The following CPEB2 variants were observed in gnomAD, a reference collection of about 807,000 sequenced individuals.
CPEB2 encodes the protein cytoplasmic polyadenylation element-binding protein 2.
A neutral mutation model predicts 93.6 loss-of-function variants in CPEB2; 56 were observed. The ratio of observed to expected loss-of-function variants is 0.60; its 90% CI spans 0.48 to 0.75. The LOEUF is 0.75. Ranked by LOEUF, CPEB2 falls within the 30% of genes least tolerant of loss-of-function variation. The pLI is 0.00. For synonymous variants in CPEB2, 764 were observed against 586.3 expected (o/e 1.30, Z -4.38); for missense variants, 1,579 against 1,395.1 (o/e 1.13, Z -2.10).
At chr4:15,042,518 A>G (rs1258630790) in intron 6 of CPEB2, among the ~76,000 whole-genome samples, 1 of 152,196 alleles carries the variant, frequency 6.6e-6, no homozygotes, top group Non-Finnish European at 1.5e-5. Context: ...GACAGAACTG[A>G]TGGTTGGCAT....
chr4:15,052,404 T>G lies in CPEB2; in HGVS notation c.2201-10T>G. On this transcript the variant is annotated splice_polypyrimidine_tract_variant and intron_variant, in intron 6 of 11. Transcript: ENST00000538197. Reference sequence around the variant, plus strand: ...TCTGAGATTCAAGTTGTATTTGTTCTTTATTCTAGGTCGTTCTTCCCTCTT... The same window carrying G: ...TCTGAGATTCAAGTTGTATTTGTTCGTTATTCTAGGTCGTTCTTCCCTCTT... 7.0e-7 allele frequency: 1 copy of G among 1,435,266 alleles called. No homozygotes were observed. Among genetic ancestry groups the G allele is most frequent in the Non-Finnish European group, 9.3e-7 (1 of 1,079,758 alleles). 88.9% of individuals were successfully genotyped at this position (1,435,266 alleles called of 1,614,324 possible). A position where few individuals can be genotyped will look rare whatever the true frequency, so the allele number is the denominator to read the frequency against.
Position 15,018,452 on chromosome 4 carries a change from A to T in CPEB2, c.2125+1174A>T, listed in dbSNP as rs190152534. 4.3e-4 allele frequency among the ~76,000 whole-genome samples: 65 copies of T among 150,254 alleles called. 1 individual carries two copies. Among genetic ancestry groups the T allele is most frequent in the Non-Finnish European group, 2.8e-4 (19 of 67,448 alleles). Reference sequence around the variant, plus strand: ...ATTCCTCATACAAACTTATAGTTGTATGTCAGGTTTTTGGGGATGTTTGTT... The same window carrying T: ...ATTCCTCATACAAACTTATAGTTGTTTGTCAGGTTTTTGGGGATGTTTGTT... On this transcript the variant is annotated intron_variant, in intron 4 of 11. Coordinates refer to ENST00000538197, the MANE Select transcript of CPEB2 (RefSeq NM_001177382.2).
chr4:15,054,001 TTA>T, intron 7 of CPEB2, 125 bp from the exon 8 acceptor site: 1 of 578,798 alleles, frequency 1.7e-6, no homozygotes, highest in Non-Finnish European at 3.0e-6. Context: ...TTCCCAGTGT[TTA>T]TATTCTAATT....
intron 5 of CPEB2, among the ~76,000 whole-genome samples, chr4:15,033,430 C>T (rs1261792989): frequency 6.6e-6 from 1 of 152,162 alleles, no homozygotes; most frequent in Non-Finnish European, 1.5e-5. Flanking sequence ...TCAGTGATCA[C>T]GGACTTGGAG....
chr4:15,056,522 T>C (rs978302327), intron 8 of CPEB2, among the ~76,000 whole-genome samples: 15 of 152,214 alleles, frequency 9.9e-5, no homozygotes, highest in African/African-American at 3.6e-4. Context: ...AAAAATAAAA[T>C]TGGCACTGGC....
intron 4 of CPEB2, among the ~76,000 whole-genome samples, chr4:15,018,969 T>C (rs28409447): frequency 0.61 from 84,363 of 139,054 alleles, 25,861 homozygotes; most frequent in East Asian, 0.9. Context: ...TATATATATA[T>C]ACACACGCAC....
chr4:15,004,637 TGGG>T lies in CPEB2; in HGVS notation c.1662+304_1662+306del, dbSNP rs1233809737. Reference sequence around the variant, plus strand: ...AACGTCCCGGCGCAGCAGTGGGGACTGGGGCAGGGGCCGAATAGCGCCGGGGCC... The same window carrying T: ...AACGTCCCGGCGCAGCAGTGGGGACTGCAGGGGCCGAATAGCGCCGGGGCC... On this transcript the variant is annotated intron_variant, in intron 1 of 11. Coordinates refer to ENST00000538197, the MANE Select transcript of CPEB2 (RefSeq NM_001177382.2). 1.3e-5 allele frequency among the ~76,000 whole-genome samples: 2 copies of T among 151,294 alleles called. 1 individual carries two copies. Among genetic ancestry groups the T allele is most frequent in the African/African-American group, 4.9e-5 (2 of 41,196 alleles).
In CPEB2 at chr4:15,069,159, A is replaced by G. The variant is rs991922741; in HGVS notation, c.*2779A>G. The stretch of plus-strand genomic sequence containing the variant: ...CTTTAAAAATCCACACTTTTTGTTA[A>G]GAAGGAAACATTTAGCATTTATATA... On this transcript the variant is annotated 3_prime_UTR_variant, in exon 12 of 12. Transcript: ENST00000538197. The G allele has an allele frequency of 2.6e-5, 4 of 152,216 alleles. No homozygotes were observed. The highest frequency in any genetic ancestry group is 5.9e-5 in the Non-Finnish European group (4 of 67,822). The allele number at this position is 152,216 out of a possible 1,614,324, so 9.4% of individuals were successfully genotyped here.
chr4:15,039,895 A>C (rs1275045705), intron 5 of CPEB2, among the ~76,000 whole-genome samples: 2 of 152,146 alleles, frequency 1.3e-5, no homozygotes, highest in Non-Finnish European at 2.9e-5. Context: ...AAACAAGTTT[A>C]ACATTGATTT....
chr4:15,049,949 A>G (rs1359376205), intron 6 of CPEB2, among the ~76,000 whole-genome samples: 4 of 152,128 alleles, frequency 2.6e-5, no homozygotes, highest in South Asian at 2.1e-4. Context: ...TCACATTTCT[A>G]ATTGTCTTTG....
At chr4:15,030,087 TGTACATCTATCA>T (rs1725930536) in intron 4 of CPEB2, among the ~76,000 whole-genome samples, 1 of 152,096 alleles carries the variant, frequency 6.6e-6, no homozygotes, top group Non-Finnish European at 1.5e-5. Flanking sequence ...TAGTTATTAG[TGTACATCTATCA>T]GTCACTGCAC....
intron 4 of CPEB2, 110 bp from the exon 5 acceptor site, chr4:15,033,051 G>A: frequency 4.4e-6 from 3 of 684,128 alleles, no homozygotes; most frequent in Non-Finnish European, 7.6e-6. Context: ...AATATACTGT[G>A]CTCAATAATT....
chr4:15,011,866 A>G (rs1196759639), intron 3 of CPEB2, among the ~76,000 whole-genome samples: 2 of 151,928 alleles, frequency 1.3e-5, no homozygotes, highest in African/African-American at 4.8e-5. Context: ...CAATATATCA[A>G]CTCTCAATTT....
At chr4:15,050,229 G>T (rs111864648) in intron 6 of CPEB2, among the ~76,000 whole-genome samples, 7 of 152,242 alleles carry the variant, frequency 4.6e-5, no homozygotes, top group Non-Finnish European at 1.5e-5. Context: ...TCTCACAGGA[G>T]CGTGAACCCT....
chr4:15,012,576 G>T (rs548236948), intron 3 of CPEB2, among the ~76,000 whole-genome samples: 42 of 152,226 alleles, frequency 2.8e-4, no homozygotes, highest in African/African-American at 8.9e-4. Flanking sequence ...TTATGAGATT[G>T]AGTACTACGT....
In CPEB2 at chr4:15,068,329, G is replaced by C. The variant is rs1301662001; in HGVS notation, c.*1949G>C. ...TAAAGTTGATGCTGTTTTCAGAAGA[G>C]CTTTTTACTAATTTATTTGTCAGTG... is the stretch of plus-strand genomic sequence containing the variant. On this transcript the variant is annotated 3_prime_UTR_variant, in exon 12 of 12. Transcript: ENST00000538197. The C allele has an allele frequency of 6.6e-6, 1 of 152,266 alleles. No individual in the cohort carries two copies. Among genetic ancestry groups the C allele is most frequent in the Non-Finnish European group, 1.5e-5 (1 of 67,850 alleles). 9.4% of individuals were successfully genotyped at this position (152,266 alleles called of 1,614,324 possible). A position where few individuals can be genotyped will look rare whatever the true frequency, so the allele number is the denominator to read the frequency against.
chr4:15,052,390 A>G (rs1221871166), intron 6 of CPEB2, 24 bp from the exon 7 acceptor site: 8 of 1,384,048 alleles, frequency 5.8e-6, no homozygotes, highest in Non-Finnish European at 6.7e-6. Context: ...CTGAGATTCA[A>G]GTTGTATTTG....
At chr4:15,029,349 A>G (rs890090242) in intron 4 of CPEB2, among the ~76,000 whole-genome samples, 1 of 152,118 alleles carries the variant, frequency 6.6e-6, no homozygotes, top group Non-Finnish European at 1.5e-5. Context: ...TATACAAATT[A>G]CTATTTAAAA....
chr4:15,004,788 G>A (rs1722560357), intron 1 of CPEB2, among the ~76,000 whole-genome samples: 1 of 152,214 alleles, frequency 6.6e-6, no homozygotes, highest in South Asian at 2.1e-4. Context: ...GCGCGGCGAG[G>A]ACCGGGGGCT....
Sources: gnomAD v4.1 joint callset for allele counts (sites outside exome capture counted in the v4.1 genomes callset) on GRCh38, gnomAD v4.1.1 for gene constraint, MANE v1.5 for transcripts, NCBI Gene and HGNC (gene_info 2026-07-23, HGNC 2026-07-21) for gene names.